TBC1D32: variants seen among roughly 807,000 people sequenced by gnomAD.
TBC1D32 encodes the protein TBC1 domain family member 32, also known as protein broad-minded.
A neutral mutation model predicts 170.3 loss-of-function variants in TBC1D32; 151 were observed. That is an observed-to-expected ratio of 0.89 (90% confidence interval 0.78 to 1.01). The LOEUF (loss-of-function observed/expected upper bound fraction) is 1.01, where lower values mean the gene tolerates loss of function less well. TBC1D32 is among the 50% of genes least tolerant of loss of function. The pLI is 0.00. For missense variants in TBC1D32, 1,464 were observed against 1,457.1 expected (o/e 1.00, Z -0.08); for synonymous variants, 498 against 488.0 (o/e 1.02, Z -0.27).
chr6:121,132,370 C>T (rs1472825958), intron 24 of TBC1D32, among the ~76,000 whole-genome samples: 1 of 151,926 alleles, frequency 6.6e-6, no homozygotes, highest in Non-Finnish European at 1.5e-5. Context: ...ACTCTCTATA[C>T]TAGAAGAAAA....
chr6:121,266,929 G>A (rs1258736839), intron 15 of TBC1D32, among the ~76,000 whole-genome samples: 1 of 152,032 alleles, frequency 6.6e-6, no homozygotes, highest in Non-Finnish European at 1.5e-5. Context: ...GGGGCAAGGG[G>A]AGGGAGAGTG....
At chr6:121,143,531 T>A (rs1457828395) in intron 24 of TBC1D32, among the ~76,000 whole-genome samples, 2 of 152,252 alleles carry the variant, frequency 1.3e-5, no homozygotes, top group African/African-American at 4.8e-5. Flanking sequence ...GATGCCACCA[T>A]GTGCACACAA....
rs145015558 is a variant in TBC1D32 at position 121,321,811 on chromosome 6, G to A, written c.156-17C>T. On this transcript the variant is annotated splice_polypyrimidine_tract_variant and intron_variant, in intron 1 of 31. Coordinates refer to ENST00000398212, the MANE Select transcript of TBC1D32 (RefSeq NM_152730.6). ...AATTCATAGCTGAAACAAATATTTA[G>A]AAAATAAATGCGGTAAATATCATAA... The A allele has an allele frequency of 9.7e-5, 154 of 1,588,912 alleles. 2 individuals carry two copies. In the East Asian group the frequency reaches 3.3e-3, roughly 34 times the overall value.
intron 14 of TBC1D32, 95 bp downstream of exon 14, chr6:121,281,449 T>C (rs1436984882): frequency 1.1e-6 from 1 of 942,698 alleles, no homozygotes; most frequent in Non-Finnish European, 1.6e-6. Context: ...AAGGACAGCA[T>C]AATAAAATAT....
intron 25 of TBC1D32, among the ~76,000 whole-genome samples, chr6:121,129,605 C>A (rs538169698): frequency 2.0e-4 from 31 of 152,202 alleles, no homozygotes; most frequent in African/African-American, 6.0e-4. Flanking sequence ...TTTATAATTT[C>A]TGATTTTCCT....
At chr6:121,262,843 A>G (rs550639834) in intron 15 of TBC1D32, among the ~76,000 whole-genome samples, 2 of 152,228 alleles carry the variant, frequency 1.3e-5, no homozygotes, top group Non-Finnish European at 2.9e-5. Flanking sequence ...GAAGCTTCAT[A>G]AATAAATAAA....
chr6:121,140,290 C>G (rs1358849745), intron 24 of TBC1D32, among the ~76,000 whole-genome samples: 2 of 147,356 alleles, frequency 1.4e-5, no homozygotes, highest in Non-Finnish European at 1.5e-5. Flanking sequence ...CCACCCTGAT[C>G]TCATTTAATT....
chr6:121,322,922 G>A (rs1809943355), intron 1 of TBC1D32, among the ~76,000 whole-genome samples: 1 of 151,840 alleles, frequency 6.6e-6, no homozygotes, highest in African/African-American at 2.4e-5. Context: ...ATGACATTAT[G>A]CTATAATTAT....
intron 15 of TBC1D32, among the ~76,000 whole-genome samples, chr6:121,266,149 G>A (rs1228211751): frequency 1.3e-5 from 2 of 152,008 alleles, no homozygotes; most frequent in Admixed American, 1.3e-4. Flanking sequence ...CTGCAGAATG[G>A]GAGAAAATTT....
chr6:121,224,861 T>A (rs9387932), intron 20 of TBC1D32, among the ~76,000 whole-genome samples: 4 of 151,986 alleles, frequency 2.6e-5, no homozygotes, highest in African/African-American at 9.7e-5. Context: ...ATTGAAATCA[T>A]CCTTATTTTT....
At chr6:121,315,030 C>T (rs140011731) in intron 3 of TBC1D32, among the ~76,000 whole-genome samples, 5 of 152,302 alleles carry the variant, frequency 3.3e-5, no homozygotes, top group Admixed American at 1.3e-4. Flanking sequence ...AACACTACAG[C>T]ACAAAGAAGT....
At chr6:121,190,614 C>A (rs1789875090) in intron 22 of TBC1D32, among the ~76,000 whole-genome samples, 1 of 152,118 alleles carries the variant, frequency 6.6e-6, no homozygotes, top group African/African-American at 2.4e-5. Context: ...GCCTTTTCAT[C>A]TGTTTTGGGA....
At chr6:121,105,875 A>G in intron 30 of TBC1D32, 148 bp downstream of exon 30, 1 of 795,256 alleles carries the variant, frequency 1.3e-6, no homozygotes, top group South Asian at 3.6e-5. Context: ...AACTTACATC[A>G]TAACAGGCCT....
At chr6:121,150,967 T>C (rs140291806) in intron 24 of TBC1D32, among the ~76,000 whole-genome samples, 26,591 of 152,098 alleles carry the variant, frequency 0.17, 3,048 homozygotes, top group East Asian at 0.51. Flanking sequence ...CCTGGATTCA[T>C]TGATTTTCTG....
Position 121,190,686 on chromosome 6 carries a change from G to A in TBC1D32, c.2570+14389C>T, listed in dbSNP as rs533610143. ...TTAAAACCCAAACCAAATCTCACCA[G>A]AAACATGATAACTCTCTGGTCTTAA... On this transcript the variant is annotated intron_variant, in intron 22 of 31. Transcript: ENST00000398212. Among the ~76,000 whole-genome samples the A allele has an allele frequency of 7.2e-5, 11 of 152,212 alleles. No homozygotes were observed. The East Asian group carries it at 1.5e-3, about 21-fold the overall frequency.
chr6:121,099,446 A>AT (rs1286222926), intron 30 of TBC1D32, among the ~76,000 whole-genome samples: 2 of 151,918 alleles, frequency 1.3e-5, no homozygotes, highest in African/African-American at 4.8e-5. Context: ...GCTACATTTA[A>AT]TTTTTTGTAC....
chr6:121,089,325 T>G (rs1776568682), intron 31 of TBC1D32, among the ~76,000 whole-genome samples: 1 of 152,054 alleles, frequency 6.6e-6, no homozygotes, highest in African/African-American at 2.4e-5. Context: ...TTTCGGATGG[T>G]GATAAAAACT....
At chr6:121,281,787 T>C in intron 13 of TBC1D32, 101 bp from the exon 14 acceptor site, 1 of 836,368 alleles carries the variant, frequency 1.2e-6, no homozygotes, top group South Asian at 2.5e-5. Flanking sequence ...CAAAGTTAAT[T>C]CAGTACTTCA....
intron 3 of TBC1D32, among the ~76,000 whole-genome samples, chr6:121,313,115 T>C (rs1186183197): frequency 3.3e-5 from 1 of 30,492 alleles, no homozygotes. Context: ...GGTGTGTGTG[T>C]GTGTGTGTGT....
Sources: allele counts gnomAD v4.1 joint callset (sites outside exome capture counted in the v4.1 genomes callset), GRCh38; gene constraint gnomAD v4.1.1; transcripts MANE v1.5; gene names NCBI Gene and HGNC (gene_info 2026-07-23, HGNC 2026-07-21).